The following CNKSR3 variants were observed in gnomAD, a reference collection of about 807,000 sequenced individuals.
CNKSR3 encodes connector enhancer of kinase suppressor of ras 3.
A neutral mutation model predicts 67.7 loss-of-function variants in CNKSR3; 36 were observed. That is an observed-to-expected ratio of 0.53 (90% CI 0.41 to 0.70). CNKSR3 has a LOEUF of 0.70. Among genes scored for constraint, CNKSR3 ranks in the 30% least tolerant of loss-of-function variants. The probability of loss-of-function intolerance (pLI) is 0.00; values close to 1 mark genes in which losing one functional copy is unlikely to be tolerated. For missense variants in CNKSR3, 630 were observed against 695.2 expected (o/e 0.91, Z 1.05); for synonymous variants, 281 against 271.4 (o/e 1.04, Z -0.35).
At chr6:154,474,968 A>C (rs1378810407) in intron 1 of CNKSR3, among the ~76,000 whole-genome samples, 1 of 152,194 alleles carries the variant, frequency 6.6e-6, no homozygotes, top group Non-Finnish European at 1.5e-5. Flanking sequence ...CCTGCGGAAG[A>C]GCTGGCCCAA....
intron 1 of CNKSR3, among the ~76,000 whole-genome samples, chr6:154,473,929 C>A (rs1354127707): frequency 6.6e-6 from 1 of 151,876 alleles, no homozygotes; most frequent in Non-Finnish European, 1.5e-5. Flanking sequence ...GGATTACAGG[C>A]ACGTGCCACC....
At chr6:154,456,911 G>A (rs1478413195) in intron 1 of CNKSR3, among the ~76,000 whole-genome samples, 4 of 152,008 alleles carry the variant, frequency 2.6e-5, no homozygotes, top group Non-Finnish European at 5.9e-5. Flanking sequence ...AGGAGACGGG[G>A]TTCAGGGGTA....
chr6:154,423,578 T>C (rs1382088038), intron 7 of CNKSR3, among the ~76,000 whole-genome samples: 2 of 152,162 alleles, frequency 1.3e-5, no homozygotes, highest in Non-Finnish European at 2.9e-5. Flanking sequence ...GTCAAAATGA[T>C]TGGCTGATAA....
intron 4 of CNKSR3, among the ~76,000 whole-genome samples, chr6:154,439,901 A>T (rs1442549714): frequency 6.6e-6 from 1 of 152,158 alleles, no homozygotes; most frequent in Non-Finnish European, 1.5e-5. Context: ...TTAAAAATAA[A>T]ACAAAATCAA....
chr6:154,400,242 A>G lies in CNKSR3; in HGVS notation c.*6112T>C, dbSNP rs886152718. On this transcript the variant is annotated 3_prime_UTR_variant, in exon 13 of 13. Transcript: ENST00000607772. ...TCTTCCTCAGAGAGCAGTGACTCCA[A>G]TGGTCAGTGACATGCAGGAGGAAAC... 3 of 152,226 alleles carry G rather than the reference A, an allele frequency of 2.0e-5. No homozygotes were observed. The highest frequency in any genetic ancestry group is 6.5e-5 in the Admixed American group (1 of 15,278). The allele number at this position is 152,226 out of a possible 1,614,324, so 9.4% of individuals were successfully genotyped here. A position where few individuals can be genotyped will look rare whatever the true frequency, so the allele number is the denominator to read the frequency against.
At chr6:154,454,102 CACAGAGAG>C (rs763777152) in intron 1 of CNKSR3, among the ~76,000 whole-genome samples, 1,538 of 115,160 alleles carry the variant, frequency 0.013, 15 homozygotes, top group Non-Finnish European at 0.018. Context: ...CACACACACA[CACAGAGAG>C]AGAGAGAGAG....
Position 154,448,000 on chromosome 6 carries a change from C to G in CNKSR3, c.216+2095G>C, listed in dbSNP as rs543402662. ...AAAACTCACTAAAATAATCCACACT[C>G]TTTTGTGAACCCCTAAGTGACCCCC... On this transcript the variant is annotated intron_variant, in intron 2 of 12. Coordinates refer to ENST00000607772, the MANE Select transcript of CNKSR3 (RefSeq NM_173515.4). Among the ~76,000 whole-genome samples the G allele has an allele frequency of 4.6e-5, 7 of 152,260 alleles. No homozygotes were observed. The South Asian group carries it at 1.4e-3, about 32-fold the overall frequency.
At chr6:154,488,986 A>G (rs1786730081) in intron 1 of CNKSR3, among the ~76,000 whole-genome samples, 1 of 152,186 alleles carries the variant, frequency 6.6e-6, no homozygotes, top group Admixed American at 6.5e-5. Context: ...CAATCTGGAA[A>G]ATGACACAAA....
chr6:154,420,688 C>CAAAAAAAAA (rs1166654953), intron 9 of CNKSR3, among the ~76,000 whole-genome samples: 2 of 79,390 alleles, frequency 2.5e-5, no homozygotes, highest in South Asian at 4.5e-4. Context: ...GACTCCGTCT[C>CAAAAAAAAA]AAAAAAAAAA....
intron 1 of CNKSR3, among the ~76,000 whole-genome samples, chr6:154,454,558 C>A (rs1172510061): frequency 6.6e-6 from 1 of 152,140 alleles, no homozygotes; most frequent in Non-Finnish European, 1.5e-5. Context: ...TTGTTTGAGA[C>A]AGGGTCTCAC....
intron 1 of CNKSR3, among the ~76,000 whole-genome samples, chr6:154,506,681 T>C (rs962925386): frequency 6.6e-6 from 1 of 152,198 alleles, no homozygotes. Context: ...GGAACCCCAA[T>C]TTGGTTAACC....
intron 9 of CNKSR3, among the ~76,000 whole-genome samples, 194 bp downstream of exon 9, chr6:154,422,312 A>G (rs1033409075): frequency 1.3e-5 from 2 of 152,204 alleles, no homozygotes; most frequent in Non-Finnish European, 2.9e-5. Context: ...ATAGTCATAT[A>G]TGGTTACTGG....
chr6:154,427,107 AAC>A (rs1413296869), intron 7 of CNKSR3, among the ~76,000 whole-genome samples: 1 of 152,182 alleles, frequency 6.6e-6, no homozygotes, highest in Non-Finnish European at 1.5e-5. Context: ...AGAATCCTGA[AAC>A]ACACTACCAT....
At chr6:154,421,987 CTTTT>C (rs34269095) in intron 9 of CNKSR3, among the ~76,000 whole-genome samples, 15 of 127,328 alleles carry the variant, frequency 1.2e-4, no homozygotes, top group Non-Finnish European at 1.2e-4. Context: ...TCATTTCATT[CTTTT>C]TTTTTTTTTT....
Position 154,401,513 on chromosome 6 carries a change from T to C in CNKSR3, c.*4841A>G, listed in dbSNP as rs1784717405. The C allele has an allele frequency of 6.6e-6, 1 of 152,348 alleles. No homozygotes were observed. The highest frequency in any genetic ancestry group is 2.4e-5 in the African/African-American group (1 of 41,464). The allele number at this position is 152,348 out of a possible 1,614,324, so 9.4% of individuals were successfully genotyped here. A position where few individuals can be genotyped will look rare whatever the true frequency, so the allele number is the denominator to read the frequency against. ...AAGCTACCCAGTGTATGGTATTTTG[T>C]TATTGCAGCCTGAGCTGATTAAGAC... On this transcript the variant is annotated 3_prime_UTR_variant, in exon 13 of 13. Coordinates refer to ENST00000607772, the MANE Select transcript of CNKSR3 (RefSeq NM_173515.4).
At position 154,396,734 on chromosome 6, in the gene CNKSR3, GAATCCAGAACTAAGTGCTAAGTA is replaced by G. The variant is rs1466322452; in HGVS notation, c.*9597_*9619del. The G allele has an allele frequency of 6.6e-6, 1 of 152,010 alleles. No homozygotes were observed. Among genetic ancestry groups the G allele is most frequent in the Non-Finnish European group, 1.5e-5 (1 of 68,020 alleles). The allele number at this position is 152,010 out of a possible 1,614,324, so 9.4% of individuals were successfully genotyped here. A position where few individuals can be genotyped will look rare whatever the true frequency, so the allele number is the denominator to read the frequency against. On this transcript the variant is annotated 3_prime_UTR_variant, in exon 13 of 13. Transcript: ENST00000607772. ...GGATGAGTCCATTATCAGGATTTAA[GAATCCAGAACTAAGTGCTAAGTA>G]AGGGGTTTAAGGAAAGCATCAGCAA...
intron 1 of CNKSR3, among the ~76,000 whole-genome samples, chr6:154,453,384 A>G (rs1199794271): frequency 2.6e-5 from 4 of 152,324 alleles, no homozygotes; most frequent in East Asian, 3.9e-4. Context: ...CAGGCAACAA[A>G]TGATTAGAGA....
rs1786287097 is a variant in CNKSR3, at chr6:154,469,965, A to T, written c.53-19707T>A. 2.0e-5 allele frequency among the ~76,000 whole-genome samples: 3 copies of T among 152,042 alleles called. No individual in the cohort carries two copies. In the South Asian group the frequency reaches 6.2e-4, roughly 31 times the overall value. ...TTTTTCTGATATTTTGAGACTACAA[A>T]GTTTTTTCAAATTGTTGCAAATCTC... On this transcript the variant is annotated intron_variant, in intron 1 of 12. Coordinates refer to ENST00000607772, the MANE Select transcript of CNKSR3 (RefSeq NM_173515.4).
intron 1 of CNKSR3, among the ~76,000 whole-genome samples, chr6:154,466,788 TTTTTTG>T (rs1325871497): frequency 7.4e-6 from 1 of 135,012 alleles, no homozygotes; most frequent in Non-Finnish European, 1.5e-5. Flanking sequence ...CCCAGCTAAT[TTTTTTG>T]TTTTTTTTTT....
Sources: gnomAD v4.1 joint callset for allele counts (sites outside exome capture counted in the v4.1 genomes callset) on GRCh38, gnomAD v4.1.1 for gene constraint, MANE v1.5 for transcripts, NCBI Gene and HGNC (gene_info 2026-07-23, HGNC 2026-07-21) for gene names.